The following TSC22D1 variants were observed in gnomAD, a reference collection of about 807,000 sequenced individuals.
TSC22D1 encodes the protein TSC22 domain family protein 1.
In TSC22D1, 9 loss-of-function variants were observed where a neutral mutation model predicts 74.2. The ratio of observed to expected loss-of-function variants is 0.12; its 90% confidence interval spans 0.07 to 0.21. The LOEUF (loss-of-function observed/expected upper bound fraction) is 0.21, where lower values mean the gene tolerates loss of function less well. TSC22D1 is among the 10% of genes least tolerant of loss of function. The probability of loss-of-function intolerance (pLI) is 1.00; values close to 1 mark genes in which losing one functional copy is unlikely to be tolerated. For synonymous variants in TSC22D1, 586 were observed against 492.5 expected, an observed-to-expected ratio of 1.19 and a Z score of -2.51; for missense variants, 1,427 against 1,304.7, an observed-to-expected ratio of 1.09 and a Z score of -1.44.
rs1195519226 is a variant in TSC22D1, at chr13:44,573,415, G to C, written c.2660C>G (p.Ala887Gly). ...LIATNTNLPL[A>G]QQIPLSSTQF... ...GGTAGAACTTAGTGGTATCTGTTGTGCCAAAGGCAAATTTGTATTAGTTGC... is the reference window on the plus strand; with the variant it reads ...GGTAGAACTTAGTGGTATCTGTTGTCCCAAAGGCAAATTTGTATTAGTTGC... The change falls in exon 1 of 3, where the codon GCA (alanine) becomes GGA (glycine). Residue 887 changes from alanine to glycine, a missense_variant. Coordinates refer to ENST00000458659, the MANE Select transcript of TSC22D1 (RefSeq NM_183422.4). 3 of 1,614,134 alleles carry C rather than the reference G, an allele frequency of 1.9e-6. No individual in the cohort carries two copies. The African/African-American group carries it at 4.0e-5, about 22-fold the overall frequency.
chr13:44,446,835 G>A (rs543119874), intron 1 of TSC22D1, among the ~76,000 whole-genome samples: 39 of 136,436 alleles, frequency 2.9e-4, no homozygotes, highest in Admixed American at 1.1e-3. Context: ...AAGAAGAGGA[G>A]GAGGAAGAAG....
chr13:44,566,168 G>C (rs1466205877), intron 1 of TSC22D1, among the ~76,000 whole-genome samples: 1 of 151,968 alleles, frequency 6.6e-6, no homozygotes, highest in African/African-American at 2.4e-5. Flanking sequence ...TAGGTTTTCA[G>C]ACACTCTTAA....
chr13:44,445,181 C>A (rs527239441), intron 1 of TSC22D1, among the ~76,000 whole-genome samples: 2 of 151,532 alleles, frequency 1.3e-5, no homozygotes, highest in Non-Finnish European at 2.9e-5. Context: ...AAATGACAGA[C>A]ATAGAGTAAT....
At chr13:44,538,327 A>C (rs749220042) in intron 1 of TSC22D1, 4 of 985,396 alleles carry the variant, frequency 4.1e-6, no homozygotes, top group Non-Finnish European at 4.8e-6. Context: ...ACCAGCGAAG[A>C]TGAGCTAAAA....
At chr13:44,532,729 TC>T (rs1481912539) in intron 1 of TSC22D1, among the ~76,000 whole-genome samples, 2 of 152,146 alleles carry the variant, frequency 1.3e-5, no homozygotes, top group Non-Finnish European at 2.9e-5. Flanking sequence ...TGCCTCAGCC[TC>T]CCGAAGTGCT....
Position 44,434,758 on chromosome 13 carries a change from C to T in TSC22D1, c.3090G>A (p.Leu1030=), listed in dbSNP as rs751820869. The T allele has an allele frequency of 1.9e-6, 3 of 1,613,960 alleles. No individual in the cohort carries two copies. The highest frequency in any genetic ancestry group is 3.3e-5 in the Admixed American group (2 of 60,018). Residue 1030 remains leucine (L), a synonymous_variant, in exon 3 of 3, where the codon CTG becomes CTA. Transcript: ENST00000458659. ...ACTGGGCAAGCTGCTCAGGACTGGC[C>T]AGTGTCTTCAGCAGATTGTTCTCCT... ...LEQENNLLKT[L]ASPEQLAQFQ...
intron 1 of TSC22D1, among the ~76,000 whole-genome samples, chr13:44,466,585 A>G (rs1877299702): frequency 6.6e-6 from 1 of 151,892 alleles, no homozygotes; most frequent in African/African-American, 2.4e-5. Context: ...CCTGGACAAC[A>G]TAGTGAAATC....
intron 1 of TSC22D1, among the ~76,000 whole-genome samples, chr13:44,505,504 A>ACACTGCAC (rs1309764733): frequency 6.6e-6 from 1 of 152,166 alleles, no homozygotes; most frequent in Non-Finnish European, 1.5e-5. Flanking sequence ...CAGTAAGCCA[A>ACACTGCAC]CACTGCACCA....
intron 1 of TSC22D1, among the ~76,000 whole-genome samples, chr13:44,487,289 AG>A (rs1878472025): frequency 6.6e-6 from 1 of 151,944 alleles, no homozygotes; most frequent in Admixed American, 6.6e-5. Flanking sequence ...ACCTGAGGTC[AG>A]GAGTTCAAGA....
chr13:44,489,121 A>G (rs1002803215), intron 1 of TSC22D1, among the ~76,000 whole-genome samples: 1 of 151,998 alleles, frequency 6.6e-6, no homozygotes, highest in African/African-American at 2.4e-5. Flanking sequence ...GCAAAAAAAG[A>G]GAAAGTCTTT....
chr13:44,530,730 G>A (rs1245909508), intron 1 of TSC22D1, among the ~76,000 whole-genome samples: 2 of 151,312 alleles, frequency 1.3e-5, no homozygotes, highest in Non-Finnish European at 1.5e-5. Flanking sequence ...AGCAGATTGA[G>A]TGGAAAGTGT....
At chr13:44,452,406 C>A (rs899433670) in intron 1 of TSC22D1, among the ~76,000 whole-genome samples, 7 of 152,150 alleles carry the variant, frequency 4.6e-5, no homozygotes, top group African/African-American at 1.7e-4. Flanking sequence ...CTGTGCCCGC[C>A]CACCTGCCTA....
At chr13:44,436,851 C>T (rs1305401471) in intron 1 of TSC22D1, 45 of 1,290,238 alleles carry the variant, frequency 3.5e-5, no homozygotes, top group Non-Finnish European at 4.1e-5. Context: ...CTCCACTCAG[C>T]TCTAGACCAG....
intron 1 of TSC22D1, among the ~76,000 whole-genome samples, chr13:44,442,272 C>T (rs940219674): frequency 8.6e-5 from 13 of 152,034 alleles, no homozygotes; most frequent in African/African-American, 3.1e-4. Flanking sequence ...GTCTGGCATC[C>T]AATAAAAAGT....
intron 1 of TSC22D1, among the ~76,000 whole-genome samples, chr13:44,547,003 G>A (rs912904895): frequency 1.3e-5 from 2 of 151,912 alleles, no homozygotes; most frequent in Non-Finnish European, 2.9e-5. Flanking sequence ...CTTAAGTAAT[G>A]TGCCTGCCTC....
At chr13:44,493,212 C>G (rs1878805861) in intron 1 of TSC22D1, among the ~76,000 whole-genome samples, 1 of 152,118 alleles carries the variant, frequency 6.6e-6, no homozygotes, top group African/African-American at 2.4e-5. Context: ...TGCCCTTGCC[C>G]CAATGCCCTC....
At chr13:44,509,950 C>CAAAAAAAAAAAAAAAAAAAAACTAAA in intron 1 of TSC22D1, among the ~76,000 whole-genome samples, 1 of 51,426 alleles carries the variant, frequency 1.9e-5, no homozygotes, top group Non-Finnish European at 3.6e-5. Context: ...AGAAAATAAG[C>CAAAAAAAAAAAAAAAAAAAAACTAAA]AAAAAAAAAA....
chr13:44,506,008 C>CAG (rs778209113), intron 1 of TSC22D1, among the ~76,000 whole-genome samples: 24 of 152,076 alleles, frequency 1.6e-4, no homozygotes, highest in Non-Finnish European at 3.4e-4. Flanking sequence ...GTTAAGTAAC[C>CAG]AGAGCAAGGT....
chr13:44,536,490 A>T (rs76226422), intron 1 of TSC22D1, among the ~76,000 whole-genome samples: 2,330 of 151,994 alleles, frequency 0.015, 59 homozygotes, highest in African/African-American at 0.053. Context: ...TTTAAAAACA[A>T]GAGACTATGA....
Sources: gnomAD v4.1 joint callset for allele counts (sites outside exome capture counted in the v4.1 genomes callset) on GRCh38, gnomAD v4.1.1 for gene constraint, MANE v1.5 for transcripts, NCBI Gene and HGNC (gene_info 2026-07-23, HGNC 2026-07-21) for gene names.